The following TRIM49C variants were observed in gnomAD, a reference collection of about 807,000 sequenced individuals.
The protein encoded by TRIM49C is tripartite motif-containing protein 49C.
Under a neutral mutation model 21.4 loss-of-function variants are expected in TRIM49C, and 6 were observed. That is an observed-to-expected ratio of 0.28 (90% CI 0.15 to 0.55). The LOEUF (loss-of-function observed/expected upper bound fraction) is 0.55. Among genes scored for constraint, TRIM49C ranks in the 20% least tolerant of loss-of-function variants. TRIM49C has a pLI of 0.94. For missense variants in TRIM49C, 161 were observed against 442.4 expected, an observed-to-expected ratio of 0.36 and a Z score of 5.71; for synonymous variants, 57 against 148.1, an observed-to-expected ratio of 0.38 and a Z score of 4.47.
chr11:90,059,773 C>T, the TRIM49C span, among the ~76,000 whole-genome samples: 5 of 139,550 alleles, frequency 3.6e-5, no homozygotes, highest in African/African-American at 8.4e-5. Context: ...CTGAGGGGCC[C>T]GAGGTAACCA....
downstream of TRIM49C, among the ~76,000 whole-genome samples, chr11:90,043,297 C>T (rs1410653302): frequency 2.8e-4 from 38 of 136,706 alleles, no homozygotes; most frequent in Non-Finnish European, 5.4e-4. Flanking sequence ...GGCATGATGG[C>T]ACATGCTATA....
intron 2 of TRIM49C, among the ~76,000 whole-genome samples, chr11:90,033,528 A>G (rs1950701475): frequency 1.5e-5 from 2 of 131,174 alleles, no homozygotes; most frequent in Non-Finnish European, 3.3e-5. Flanking sequence ...TACAGTATGC[A>G]GTACAGAACA....
At chr11:90,069,175 G>C in the TRIM49C span, among the ~76,000 whole-genome samples, 4 of 130,440 alleles carry the variant, frequency 3.1e-5, no homozygotes. Flanking sequence ...CACAATCTTG[G>C]CTCACTGCAA....
chr11:90,056,354 A>G, the TRIM49C span, among the ~76,000 whole-genome samples: 1 of 121,940 alleles, frequency 8.2e-6, no homozygotes, highest in Non-Finnish European at 1.7e-5. Context: ...AATTAAATTT[A>G]TATGTCAGTT....
At chr11:90,045,205 A>G (rs1442565425), downstream of TRIM49C, among the ~76,000 whole-genome samples, 3 of 132,206 alleles carry the variant, frequency 2.3e-5, no homozygotes, top group Non-Finnish European at 4.8e-5. Context: ...GAAGTCAAGT[A>G]GTGTGATGCC....
the TRIM49C span, among the ~76,000 whole-genome samples, chr11:90,055,033 C>CA: frequency 6.7e-6 from 1 of 148,720 alleles, no homozygotes; most frequent in African/African-American, 2.5e-5. Context: ...AGGAGAAAAT[C>CA]AAAAAAAGGA....
chr11:90,066,303 AGCCACTGCACCGG>A, the TRIM49C span, among the ~76,000 whole-genome samples: 1 of 138,856 alleles, frequency 7.2e-6, no homozygotes, highest in Non-Finnish European at 1.6e-5. Flanking sequence ...TACAAGCGTG[AGCCACTGCACCGG>A]GCCACATGCT....
At chr11:90,060,643 T>TG in the TRIM49C span, among the ~76,000 whole-genome samples, 13 of 134,922 alleles carry the variant, frequency 9.6e-5, no homozygotes, top group African/African-American at 3.5e-4. Context: ...TGACAAACCT[T>TG]GCCCAGGCAA....
At chr11:90,049,285 TGTCA>T in the TRIM49C span, among the ~76,000 whole-genome samples, 1 of 100,996 alleles carries the variant, frequency 9.9e-6, no homozygotes, top group Non-Finnish European at 1.9e-5. Context: ...TCTTCAAAGC[TGTCA>T]GACAGGGACA....
At chr11:90,038,822 T>C in intron 6 of TRIM49C, 107 bp downstream of exon 6, 3 of 469,710 alleles carry the variant, frequency 6.4e-6, no homozygotes, top group Non-Finnish European at 1.1e-5. Context: ...GATACCACTT[T>C]TTTTTGCATC....
At chr11:90,066,637 A>AT in the TRIM49C span, among the ~76,000 whole-genome samples, 3 of 114,280 alleles carry the variant, frequency 2.6e-5, no homozygotes, top group Non-Finnish European at 5.4e-5. Context: ...ACTAAAATCT[A>AT]TTTTTTATTC....
In TRIM49C at chr11:90,032,707, A is replaced by G. The variant is rs1451700358; in HGVS notation, c.-5+125A>G. 2.4e-5 allele frequency: 3 copies of G among 124,466 alleles called. No individual in the cohort carries two copies. The East Asian group carries it at 6.0e-4, about 25-fold the overall frequency. 7.7% of individuals were successfully genotyped at this position (124,466 alleles called of 1,614,324 possible). On this transcript the variant is annotated intron_variant, in intron 2 of 7. Transcript: ENST00000448984. Reference sequence around the variant, plus strand: ...ACCATTTGTAACTCATGTTCTTACTATAGATTTTATGAATTATAAGGATAC... The same window carrying G: ...ACCATTTGTAACTCATGTTCTTACTGTAGATTTTATGAATTATAAGGATAC...
chr11:90,062,924 C>A, the TRIM49C span: 17 of 1,432,128 alleles, frequency 1.2e-5, 3 homozygotes, highest in East Asian at 1.8e-4. Flanking sequence ...CAATGGTGAC[C>A]GGTCTATGAA....
At chr11:90,039,190 A>G (rs1278574620) in intron 6 of TRIM49C, among the ~76,000 whole-genome samples, 1 of 133,282 alleles carries the variant, frequency 7.5e-6, no homozygotes, top group African/African-American at 2.7e-5. Context: ...AAGTGCTGGG[A>G]TTACAGGCGT....
At chr11:90,034,062 G>A (rs1306926632) in intron 2 of TRIM49C, among the ~76,000 whole-genome samples, 3 of 126,698 alleles carry the variant, frequency 2.4e-5, no homozygotes, top group African/African-American at 9.4e-5. Context: ...AAATTAATTT[G>A]CTTGATTATG....
chr11:90,043,303 C>G (rs555569257), downstream of TRIM49C, among the ~76,000 whole-genome samples: 2 of 136,334 alleles, frequency 1.5e-5, no homozygotes, highest in Admixed American at 1.6e-4. Flanking sequence ...ATGGCACATG[C>G]TATAGTCCCA....
chr11:90,062,787 T>C, the TRIM49C span: 1 of 1,421,120 alleles, frequency 7.0e-7, no homozygotes, highest in Non-Finnish European at 9.3e-7. Context: ...AGACAGCTTT[T>C]TGAGTACCAC....
chr11:90,062,386 C>A, the TRIM49C span, among the ~76,000 whole-genome samples: 6 of 138,246 alleles, frequency 4.3e-5, 2 homozygotes, highest in African/African-American at 1.7e-4. Context: ...TTTAAGGAAA[C>A]CTCCTTTAGC....
At chr11:90,049,081 A>G in the TRIM49C span, among the ~76,000 whole-genome samples, 2 of 126,184 alleles carry the variant, frequency 1.6e-5, 1 homozygote, top group Non-Finnish European at 3.3e-5. Flanking sequence ...CAGAACAGTG[A>G]ATATTGCTGA....
Sources: gnomAD v4.1 joint callset for allele counts (sites outside exome capture counted in the v4.1 genomes callset) on GRCh38, gnomAD v4.1.1 for gene constraint, MANE v1.5 for transcripts, NCBI Gene and HGNC (gene_info 2026-07-23, HGNC 2026-07-21) for gene names.